The following NREP variants were observed in gnomAD, a reference collection of about 807,000 sequenced individuals.
NREP encodes the protein neuronal regeneration related protein.
In NREP, 5 loss-of-function variants were observed where a neutral mutation model predicts 8.6. The ratio of observed to expected loss-of-function variants is 0.58; its 90% confidence interval spans 0.30 to 1.22. NREP has a LOEUF of 1.22. Among genes scored for constraint, NREP ranks in the 50% most tolerant of loss-of-function variants. NREP has a pLI of 0.07. For synonymous variants in NREP, 27 were observed against 28.0 expected, an observed-to-expected ratio of 0.96 and a Z score of 0.11; for missense variants, 86 against 82.5, an observed-to-expected ratio of 1.04 and a Z score of -0.17.
At chr5:111,760,355 C>G (rs1224805156), upstream of NREP, among the ~76,000 whole-genome samples, 2 of 152,164 alleles carry the variant, frequency 1.3e-5, no homozygotes, top group African/African-American at 2.4e-5. Flanking sequence ...GAGGTAGCCT[C>G]CCTTGAGTTA....
chr5:111,784,507 A>T (rs1333665960), intron 2 of NREP, among the ~76,000 whole-genome samples: 1 of 152,228 alleles, frequency 6.6e-6, no homozygotes, highest in African/African-American at 2.4e-5. Flanking sequence ...TTGATTTGTT[A>T]TAATGCACGT....
At chr5:111,779,624 G>C (rs962965090) in intron 2 of NREP, among the ~76,000 whole-genome samples, 1 of 152,172 alleles carries the variant, frequency 6.6e-6, no homozygotes, top group Admixed American at 6.5e-5. Context: ...GGAGAAACAA[G>C]TGGGAATTTG....
intron 2 of NREP, among the ~76,000 whole-genome samples, chr5:111,845,713 A>G (rs1392650014): frequency 6.6e-6 from 1 of 152,270 alleles, no homozygotes; most frequent in East Asian, 1.9e-4. Flanking sequence ...TTAATATCAT[A>G]TATACTACAC....
intron 2 of NREP, among the ~76,000 whole-genome samples, chr5:111,866,755 A>T (rs1274489224): frequency 6.6e-6 from 1 of 152,134 alleles, no homozygotes; most frequent in Non-Finnish European, 1.5e-5. Context: ...CAAATGTCCA[A>T]CAATGATAGA....
intron 2 of NREP, among the ~76,000 whole-genome samples, chr5:111,753,330 TTATATA>T (rs10546970): frequency 8.2e-4 from 116 of 140,776 alleles, no homozygotes; most frequent in Admixed American, 2.7e-3. Flanking sequence ...CAAGTTGATT[TTATATA>T]TATATATATA....
At chr5:111,884,984 G>T (rs1445596364) in intron 2 of NREP, among the ~76,000 whole-genome samples, 4 of 152,176 alleles carry the variant, frequency 2.6e-5, no homozygotes, top group Admixed American at 2.6e-4. Context: ...GGGCAATTAG[G>T]CAGGAGAAGG....
chr5:111,799,974 C>T (rs770434597), intron 2 of NREP, among the ~76,000 whole-genome samples: 7 of 152,152 alleles, frequency 4.6e-5, no homozygotes, highest in African/African-American at 1.2e-4. Context: ...GGCTGGAGTG[C>T]GGTGGTGTGA....
At chr5:111,771,633 C>A (rs751249757) in intron 2 of NREP, among the ~76,000 whole-genome samples, 3 of 151,898 alleles carry the variant, frequency 2.0e-5, no homozygotes, top group Non-Finnish European at 2.9e-5. Flanking sequence ...AGTGGTGGCA[C>A]ATGCCTGTAA....
chr5:111,752,891 C>T (rs897400354), intron 2 of NREP, among the ~76,000 whole-genome samples: 1 of 152,142 alleles, frequency 6.6e-6, no homozygotes, highest in Non-Finnish European at 1.5e-5. Flanking sequence ...ATAGGATCAT[C>T]TATTCATTCT....
At chr5:111,751,642 T>G (rs1162807274) in intron 2 of NREP, among the ~76,000 whole-genome samples, 1 of 152,196 alleles carries the variant, frequency 6.6e-6, no homozygotes, top group Non-Finnish European at 1.5e-5. Flanking sequence ...CAGTACATTT[T>G]CCTCTGGTAT....
intron 2 of NREP, among the ~76,000 whole-genome samples, chr5:111,912,250 G>C (rs1038957954): frequency 6.6e-6 from 1 of 151,808 alleles, no homozygotes; most frequent in African/African-American, 2.4e-5. Context: ...CCCTCATCCA[G>C]AATGGTGTGG....
intron 2 of NREP, among the ~76,000 whole-genome samples, chr5:111,952,023 A>G (rs1756175014): frequency 6.6e-6 from 1 of 152,208 alleles, no homozygotes; most frequent in South Asian, 2.1e-4. Flanking sequence ...CCAGGCAACT[A>G]TCACTCAGAA....
chr5:111,948,153 A>G (rs1172716416), intron 2 of NREP, among the ~76,000 whole-genome samples: 1 of 152,082 alleles, frequency 6.6e-6, no homozygotes, highest in Non-Finnish European at 1.5e-5. Flanking sequence ...ATCCAGACAT[A>G]TTTAATTTCC....
chr5:111,741,377 C>G (rs925058765), intron 2 of NREP, among the ~76,000 whole-genome samples: 3 of 152,196 alleles, frequency 2.0e-5, no homozygotes, highest in Admixed American at 6.5e-5. Flanking sequence ...TATACATACA[C>G]TTCCTTTCTG....
At position 111,810,310 on chromosome 5, in the gene NREP, T is replaced by C. The variant is rs79550198; in HGVS notation, c.136-74803A>G. On this transcript the variant is annotated intron_variant, in intron 2 of 3. Transcript: ENST00000395634. ...CTCAAAAATCAGGAATTAATGACTC[T>C]CTGCTGCTGTGGAGCTATGAGATAA... 5.2e-3 allele frequency among the ~76,000 whole-genome samples: 789 copies of C among 152,280 alleles called. 10 individuals carry two copies. Among genetic ancestry groups the C allele is most frequent in the African/African-American group, 0.018 (754 of 41,558 alleles).
intron 2 of NREP, chr5:111,738,666 G>C (rs1749375574): frequency 6.6e-6 from 1 of 152,242 alleles, no homozygotes; most frequent in South Asian, 2.1e-4. Context: ...CTGGGGGTGG[G>C]GCAGGTACAG....
At chr5:111,912,219 A>G (rs1201050962) in intron 2 of NREP, among the ~76,000 whole-genome samples, 1 of 151,820 alleles carries the variant, frequency 6.6e-6, no homozygotes, top group Non-Finnish European at 1.5e-5. Context: ...CCCTTTTTTC[A>G]TCATGCTCTT....
chr5:111,911,615 TA>T (rs1754914127), intron 2 of NREP, among the ~76,000 whole-genome samples: 1 of 151,980 alleles, frequency 6.6e-6, no homozygotes. Context: ...AATTCACAAC[TA>T]GATGAGAAAA....
intron 1 of NREP, among the ~76,000 whole-genome samples, chr5:111,756,488 AAACT>A (rs1750719327): frequency 6.6e-6 from 1 of 152,144 alleles, no homozygotes; most frequent in Non-Finnish European, 1.5e-5. Flanking sequence ...ATGAATGGAG[AAACT>A]AAAAGTTCTC....
Sources: allele counts gnomAD v4.1 joint callset (sites outside exome capture counted in the v4.1 genomes callset), GRCh38; gene constraint gnomAD v4.1.1; transcripts MANE v1.5; gene names NCBI Gene and HGNC (gene_info 2026-07-23, HGNC 2026-07-21).